MTHFD2L: variants seen among roughly 807,000 people sequenced by gnomAD.
MTHFD2L encodes bifunctional methylenetetrahydrofolate dehydrogenase/cyclohydrolase 2, mitochondrial.
Under a neutral mutation model 34.9 loss-of-function variants are expected in MTHFD2L, and 29 were observed. The ratio of observed to expected loss-of-function variants is 0.83; its 90% confidence interval spans 0.62 to 1.13. The LOEUF (loss-of-function observed/expected upper bound fraction) is 1.13, where lower values mean the gene tolerates loss of function less well. Ranked by LOEUF, MTHFD2L falls within the 50% of genes most tolerant of loss-of-function variation. The pLI is 0.00. For synonymous variants in MTHFD2L, 167 were observed against 155.7 expected (o/e 1.07, Z -0.54); for missense variants, 481 against 446.5 (o/e 1.08, Z -0.70).
At chr4:74,262,001 CATATT>C (rs1025797930) in intron 6 of MTHFD2L, among the ~76,000 whole-genome samples, 4 of 151,760 alleles carry the variant, frequency 2.6e-5, no homozygotes, top group African/African-American at 7.3e-5. Flanking sequence ...TGTCTCAAAT[CATATT>C]ATAAAGAACT....
At chr4:74,190,078 C>T (rs1414139686) in intron 3 of MTHFD2L, among the ~76,000 whole-genome samples, 1 of 152,080 alleles carries the variant, frequency 6.6e-6, no homozygotes, top group Non-Finnish European at 1.5e-5. Flanking sequence ...AAATCATTGT[C>T]CTTGAAAAGT....
At chr4:74,270,277 G>A (rs1449118441) in intron 6 of MTHFD2L, among the ~76,000 whole-genome samples, 6 of 151,816 alleles carry the variant, frequency 4.0e-5, no homozygotes, top group East Asian at 1.9e-4. Flanking sequence ...CCATTAACTC[G>A]TCATTTAACA....
chr4:74,196,236 G>A (rs1455561330), intron 3 of MTHFD2L, among the ~76,000 whole-genome samples: 1 of 152,100 alleles, frequency 6.6e-6, no homozygotes. Flanking sequence ...CATTTCAACA[G>A]GGGGCAATTG....
At chr4:74,175,255 A>G (rs1371767894) in intron 2 of MTHFD2L, 26 bp from the exon 3 acceptor site, 1 of 1,607,102 alleles carries the variant, frequency 6.2e-7, no homozygotes, top group Non-Finnish European at 8.5e-7. Context: ...TAGTCAAGTG[A>G]CCTTCTCTAC....
chr4:74,201,164 A>T, intron 4 of MTHFD2L, 99 bp from the exon 5 acceptor site: 2 of 768,102 alleles, frequency 2.6e-6, no homozygotes, highest in Non-Finnish European at 4.2e-6. Flanking sequence ...ATTCAGATTT[A>T]ATTAGAAATT....
intron 7 of MTHFD2L, among the ~76,000 whole-genome samples, chr4:74,282,577 C>T (rs1747639192): frequency 6.6e-6 from 1 of 151,960 alleles, no homozygotes; most frequent in Non-Finnish European, 1.5e-5. Context: ...GGTACTGGCC[C>T]TATATATGTG....
At chr4:74,119,579 TGAGAC>T (rs1721715469), upstream of MTHFD2L, among the ~76,000 whole-genome samples, 3 of 152,000 alleles carry the variant, frequency 2.0e-5, no homozygotes, top group African/African-American at 7.3e-5. Flanking sequence ...GTCAGGAGAT[TGAGAC>T]CATCCTGGCT....
chr4:74,179,907 A>G (rs979157059), intron 3 of MTHFD2L, among the ~76,000 whole-genome samples: 1 of 152,072 alleles, frequency 6.6e-6, no homozygotes, highest in African/African-American at 2.4e-5. Context: ...GTGAAAATTC[A>G]TCTAGATTTT....
At chr4:74,179,927 TC>T (rs1032433669) in intron 3 of MTHFD2L, among the ~76,000 whole-genome samples, 4 of 152,104 alleles carry the variant, frequency 2.6e-5, no homozygotes, top group Admixed American at 2.0e-4. Context: ...TCAAAATGTC[TC>T]CCAGTCTTCA....
At chr4:74,190,866 G>A (rs1732348394) in intron 3 of MTHFD2L, among the ~76,000 whole-genome samples, 2 of 152,134 alleles carry the variant, frequency 1.3e-5, no homozygotes, top group African/African-American at 4.8e-5. Flanking sequence ...CCAGAGGCAA[G>A]AATTTTGTCT....
intron 6 of MTHFD2L, among the ~76,000 whole-genome samples, chr4:74,281,034 C>G (rs1030735279): frequency 1.3e-5 from 2 of 151,680 alleles, no homozygotes; most frequent in Admixed American, 6.6e-5. Context: ...TTCTTTCCCT[C>G]CTTCCGATTT....
At chr4:74,220,055 G>T (rs1473171399) in intron 5 of MTHFD2L, among the ~76,000 whole-genome samples, 1 of 150,672 alleles carries the variant, frequency 6.6e-6, no homozygotes, top group South Asian at 2.1e-4. Flanking sequence ...AATCAGTACT[G>T]ATGGAAATGG....
At chr4:74,221,036 A>G (rs1578516295) in intron 5 of MTHFD2L, among the ~76,000 whole-genome samples, 2 of 151,092 alleles carry the variant, frequency 1.3e-5, no homozygotes, top group Admixed American at 6.6e-5. Flanking sequence ...AAATTTTGCA[A>G]TGTTGTTTTG....
chr4:74,287,916 C>T (rs900751128), intron 7 of MTHFD2L, among the ~76,000 whole-genome samples: 3 of 152,152 alleles, frequency 2.0e-5, no homozygotes, highest in Admixed American at 6.6e-5. Context: ...ATGGTTTAAA[C>T]AGAAATTTAC....
At chr4:74,116,081 T>C (rs1721651538) in intron 2 of MTHFD2L, among the ~76,000 whole-genome samples, 1 of 152,226 alleles carries the variant, frequency 6.6e-6, no homozygotes. Context: ...CTCTGATTAT[T>C]GGAATAATAT....
intron 7 of MTHFD2L, among the ~76,000 whole-genome samples, chr4:74,289,467 C>G (rs1748610360): frequency 6.6e-6 from 1 of 152,030 alleles, no homozygotes; most frequent in South Asian, 2.1e-4. Flanking sequence ...AGCAGCAATC[C>G]CATCTTATAG....
chr4:74,226,079 A>G (rs148160509), intron 6 of MTHFD2L, among the ~76,000 whole-genome samples: 352 of 152,252 alleles, frequency 2.3e-3, no homozygotes, highest in South Asian at 5.2e-3. Context: ...AGTTCTTGAG[A>G]TAGTAAGTTC....
chr4:74,177,342 A>G lies in MTHFD2L; in HGVS notation c.451+1939A>G, dbSNP rs552281924. The stretch of plus-strand genomic sequence containing the variant: ...TGTATTTATCAAGCAATCTTCTTAT[A>G]GTTTGCAGTTTTTGAAATTTTCTCT... On this transcript the variant is annotated intron_variant, in intron 3 of 7. Transcript: ENST00000325278. 2.0e-5 allele frequency among the ~76,000 whole-genome samples: 3 copies of G among 152,084 alleles called. No individual in the cohort carries two copies. The East Asian group carries it at 5.8e-4, about 29-fold the overall frequency.
At chr4:74,273,838 G>A (rs1312769978) in intron 6 of MTHFD2L, among the ~76,000 whole-genome samples, 1 of 152,096 alleles carries the variant, frequency 6.6e-6, no homozygotes, top group East Asian at 1.9e-4. Flanking sequence ...CCTTCTCCAG[G>A]TGCAAACCTC....
Sources: gnomAD v4.1 joint callset for allele counts (sites outside exome capture counted in the v4.1 genomes callset) on GRCh38, gnomAD v4.1.1 for gene constraint, MANE v1.5 for transcripts, NCBI Gene and HGNC (gene_info 2026-07-23, HGNC 2026-07-21) for gene names.